Variants in KCNN2 observed in about 807,000 individuals in gnomAD.
KCNN2 encodes small conductance calcium-activated potassium channel protein 2.
A neutral mutation model predicts 55.5 loss-of-function variants in KCNN2; 24 were observed. The observed-to-expected ratio is 0.43, with a 90% CI of 0.31 to 0.61. KCNN2 has a LOEUF of 0.61. Ranked by LOEUF, KCNN2 falls within the 20% of genes least tolerant of loss-of-function variation. KCNN2 has a pLI of 0.08. For missense variants in KCNN2, 754 were observed against 853.6 expected, an observed-to-expected ratio of 0.88 and a Z score of 1.45; for synonymous variants, 431 against 336.1, an observed-to-expected ratio of 1.28 and a Z score of -3.09.
intron 1 of KCNN2, among the ~76,000 whole-genome samples, chr5:114,199,951 C>T (rs1753638326): frequency 6.6e-6 from 1 of 152,054 alleles, no homozygotes; most frequent in African/African-American, 2.4e-5. Context: ...TTCTTTCTTT[C>T]ACTTTGACTT....
At chr5:114,326,256 G>A (rs920293519) in intron 2 of KCNN2, among the ~76,000 whole-genome samples, 7 of 152,132 alleles carry the variant, frequency 4.6e-5, no homozygotes, top group East Asian at 3.9e-4. Flanking sequence ...CTCAAGTAGC[G>A]GGTACATTTT....
rs191088645 is a variant in KCNN2 at position 114,089,759 on chromosome 5, A to G, written c.-271+33259A>G. ...AACAATAATTTCAATTTTTATTTTA[A>G]TCTGTAGCTTTTGTTTATAATGGCA... On this transcript the variant is annotated intron_variant, in intron 1 of 10. Transcript: ENST00000512097. Among the ~76,000 whole-genome samples, 239 of 152,264 alleles carry G rather than the reference A, an allele frequency of 1.6e-3. 2 individuals carry two copies. Among genetic ancestry groups the G allele is most frequent in the Admixed American group, 6.4e-3 (98 of 15,282 alleles).
intron 2 of KCNN2, among the ~76,000 whole-genome samples, chr5:114,301,987 C>T (rs1009577155): frequency 6.6e-6 from 1 of 152,146 alleles, no homozygotes; most frequent in Non-Finnish European, 1.5e-5. Context: ...TGATGCTTGG[C>T]ATTCAATGGC....
intron 1 of KCNN2, among the ~76,000 whole-genome samples, chr5:114,165,317 A>G (rs1188841640): frequency 6.6e-6 from 1 of 152,168 alleles, no homozygotes; most frequent in Non-Finnish European, 1.5e-5. Context: ...TAACACGAAG[A>G]CGAGGATGAA....
intron 2 of KCNN2, among the ~76,000 whole-genome samples, chr5:114,248,362 A>T (rs1349247192): frequency 6.6e-6 from 1 of 152,174 alleles, no homozygotes; most frequent in African/African-American, 2.4e-5. Flanking sequence ...AAGTTTAGTT[A>T]TTTGGGGGGA....
At chr5:114,439,617 C>T (rs1240034541) in intron 3 of KCNN2, among the ~76,000 whole-genome samples, 1 of 152,118 alleles carries the variant, frequency 6.6e-6, no homozygotes, top group African/African-American at 2.4e-5. Context: ...CTGGGTGATT[C>T]TAATGCACCG....
intron 1 of KCNN2, among the ~76,000 whole-genome samples, chr5:114,147,512 A>G (rs978617638): frequency 1.3e-5 from 2 of 152,200 alleles, no homozygotes; most frequent in Non-Finnish European, 2.9e-5. Context: ...ATTTTGTACT[A>G]TAAGTCCTGC....
intron 2 of KCNN2, among the ~76,000 whole-genome samples, chr5:114,400,044 A>G (rs1033287905): frequency 6.8e-6 from 1 of 147,632 alleles, no homozygotes; most frequent in Admixed American, 6.9e-5. Context: ...TGGTCTATCT[A>G]TTTATTCTTG....
intron 4 of KCNN2, among the ~76,000 whole-genome samples, chr5:114,465,183 G>A (rs891838794): frequency 1.4e-4 from 21 of 152,156 alleles, no homozygotes; most frequent in African/African-American, 4.1e-4. Context: ...AATGTTTATC[G>A]TTCCTTGATA....
At chr5:114,100,626 T>A (rs1751355090) in intron 1 of KCNN2, among the ~76,000 whole-genome samples, 1 of 152,044 alleles carries the variant, frequency 6.6e-6, no homozygotes. Context: ...TCTGCCCATC[T>A]TAAGGGCCAA....
chr5:114,068,917 G>A (rs536948484), intron 1 of KCNN2, among the ~76,000 whole-genome samples: 53 of 151,970 alleles, frequency 3.5e-4, no homozygotes, highest in Non-Finnish European at 6.5e-4. Flanking sequence ...AGATTCAACC[G>A]ATTCTCCTGC....
intron 3 of KCNN2, among the ~76,000 whole-genome samples, chr5:114,429,818 C>CTTTTT (rs61595962): frequency 8.4e-5 from 6 of 71,254 alleles, no homozygotes; most frequent in Non-Finnish European, 1.3e-4. Flanking sequence ...TATATAGATG[C>CTTTTT]TTTTTTTTTT....
At chr5:114,240,177 C>G (rs1348388177) in intron 2 of KCNN2, among the ~76,000 whole-genome samples, 4 of 151,902 alleles carry the variant, frequency 2.6e-5, no homozygotes, top group East Asian at 3.9e-4. Context: ...TTAGGGGAAA[C>G]TTACTCAGTT....
chr5:114,334,478 T>G lies in KCNN2; in HGVS notation c.-184-26467T>G, dbSNP rs375067104. On this transcript the variant is annotated intron_variant, in intron 2 of 10. Coordinates refer to the KCNN2 transcript ENST00000512097. ...TGAAAAGTGTATATATAGATATATATACACACATATATATACGCACATACA... is the reference window on the plus strand; with the variant it reads ...TGAAAAGTGTATATATAGATATATAGACACACATATATATACGCACATACA... 2.0e-5 allele frequency among the ~76,000 whole-genome samples: 3 copies of G among 152,188 alleles called. No individual in the cohort carries two copies. The East Asian group carries it at 5.8e-4, about 29-fold the overall frequency.
intron 1 of KCNN2, among the ~76,000 whole-genome samples, chr5:114,126,947 A>T (rs1203632951): frequency 6.6e-6 from 1 of 152,148 alleles, no homozygotes; most frequent in Admixed American, 6.5e-5. Context: ...CAGTCATTAA[A>T]CCTTAAAGTT....
At chr5:114,331,773 C>A (rs1332810078) in intron 2 of KCNN2, among the ~76,000 whole-genome samples, 2 of 152,136 alleles carry the variant, frequency 1.3e-5, no homozygotes, top group African/African-American at 4.8e-5. Flanking sequence ...AGTAACAGGA[C>A]CAATTTTCTT....
At chr5:114,128,127 A>G (rs921124736) in intron 1 of KCNN2, among the ~76,000 whole-genome samples, 4 of 152,130 alleles carry the variant, frequency 2.6e-5, no homozygotes, top group African/African-American at 9.7e-5. Flanking sequence ...CACATTTTTG[A>G]GTATCTTTAT....
In KCNN2 at chr5:114,219,105, C is replaced by T. The variant is rs899485509; in HGVS notation, c.-270-2375C>T. On this transcript the variant is annotated intron_variant, in intron 1 of 10. Coordinates refer to the KCNN2 transcript ENST00000512097. ...TCAGCCAGCTGCTTTTGGGCACCAGCGGGAGTGAACTCTTTGCAGGCCCTG... is the reference window on the plus strand; with the variant it reads ...TCAGCCAGCTGCTTTTGGGCACCAGTGGGAGTGAACTCTTTGCAGGCCCTG... Among the ~76,000 whole-genome samples the T allele has an allele frequency of 2.2e-4, 33 of 152,320 alleles. 1 individual carries two copies. Among genetic ancestry groups the T allele is most frequent in the African/African-American group, 6.5e-4 (27 of 41,580 alleles).
intron 1 of KCNN2, among the ~76,000 whole-genome samples, chr5:114,142,788 G>C (rs1752312919): frequency 6.6e-6 from 1 of 152,154 alleles, no homozygotes. Context: ...TGGCCATACT[G>C]CCCAATGTAA....
Sources: allele counts gnomAD v4.1 joint callset (sites outside exome capture counted in the v4.1 genomes callset), GRCh38; gene constraint gnomAD v4.1.1; transcripts MANE v1.5; gene names NCBI Gene and HGNC (gene_info 2026-07-23, HGNC 2026-07-21).